The following MYOM3 variants were observed in gnomAD, a reference collection of about 807,000 sequenced individuals.
The protein encoded by MYOM3 is myomesin 3.
A neutral mutation model predicts 191.7 loss-of-function variants in MYOM3; 155 were observed. The observed-to-expected ratio is 0.81, with a 90% CI of 0.71 to 0.92. The LOEUF (loss-of-function observed/expected upper bound fraction) is 0.92, where lower values mean the gene tolerates loss of function less well. MYOM3 is among the 40% of genes least tolerant of loss of function. The probability of loss-of-function intolerance (pLI) is 0.00; values close to 1 mark genes in which losing one functional copy is unlikely to be tolerated. For missense variants in MYOM3, 1,889 were observed against 1,890.6 expected (o/e 1.00, Z 0.02); for synonymous variants, 757 against 762.9 (o/e 0.99, Z 0.13).
rs747898611 is a variant in MYOM3 at position 24,058,977 on chromosome 1, G to C, written c.3997C>G (p.Arg1333Gly). The change falls in exon 36 of 37, where the codon CGT becomes GGT. Residue 1333 changes from arginine (R) to glycine (G), a missense_variant and splice_region_variant. Coordinates refer to ENST00000374434, the MANE Select transcript of MYOM3 (RefSeq NM_152372.4). ...GGCAGACCTCTCACCACTTTGGCAC[G>C]ATCTGGAAGGGAAATAAGAGACCCC... is the stretch of plus-strand genomic sequence containing the variant. ...LKTLAIIEKN[R>G]AKVVRGLPDV... The C allele has an allele frequency of 6.2e-7, 1 of 1,610,650 alleles. No individual in the cohort carries two copies. The highest frequency in any genetic ancestry group is 1.7e-5 in the Admixed American group (1 of 59,736).
rs1256326417 is a variant in MYOM3, at chr1:24,099,755, A to T, written c.581T>A (p.Ile194Asn). ...QVTWYKNDTR[I>N]DPRLFRAGKY... is the part of the protein sequence containing the mutation. ...TCCGGCACGAAAGAGGCGGGGATCA[A>T]TCCGTGTGTCATTTTTGTACCTGTG... is the stretch of plus-strand genomic sequence containing the variant. Residue 194 changes from isoleucine to asparagine, a missense_variant, in exon 6 of 37, where the codon ATT becomes AAT. Ile to Asn is a moderately radical substitution (Grantham distance 149, BLOSUM62 -3). Transcript: ENST00000374434. The T allele has an allele frequency of 1.2e-6, 2 of 1,613,814 alleles. No homozygotes were observed. Among genetic ancestry groups the T allele is most frequent in the African/African-American group, 2.7e-5 (2 of 74,848 alleles).
At chr1:24,109,714 T>G (rs1644023562) in intron 1 of MYOM3, among the ~76,000 whole-genome samples, 1 of 152,240 alleles carries the variant, frequency 6.6e-6, no homozygotes, top group Admixed American at 6.5e-5. Context: ...CCCATTTTAC[T>G]GATGAACAGG....
At chr1:24,090,027 T>C (rs551285672) in intron 13 of MYOM3, 38 bp downstream of exon 13, 3 of 1,600,506 alleles carry the variant, frequency 1.9e-6, no homozygotes, top group African/African-American at 2.7e-5. Flanking sequence ...TTTTGAGAAC[T>C]ATACAGGAGG....
chr1:24,057,326 A>C lies in MYOM3; in HGVS notation c.*38T>G. The C allele has an allele frequency of 6.3e-7, 1 of 1,594,582 alleles. No individual in the cohort carries two copies. Among genetic ancestry groups the C allele is most frequent in the Middle Eastern group, 2.2e-4 (1 of 4,586 alleles). On this transcript the variant is annotated 3_prime_UTR_variant, in exon 37 of 37. Transcript: ENST00000374434. ...TGGTACAGGTTGTCCCTACTGGTCC[A>C]TGTAGACTAGACTCAGACTGTGCCT... is the stretch of plus-strand genomic sequence containing the variant.
intron 11 of MYOM3, 95 bp from the exon 12 acceptor site, chr1:24,091,091 C>T: frequency 1.5e-6 from 2 of 1,366,624 alleles, no homozygotes; most frequent in South Asian, 2.7e-5. Context: ...CTGGGGGAGC[C>T]TGCCCAGCTC....
At position 24,092,392 on chromosome 1, in the gene MYOM3, C is replaced by T. The variant is rs986373762; in HGVS notation, c.1091-77G>A. ...ACAGGCCCTTCCCACTCCCGCCCAGCATCCTCTTCTCATCCATCCTCCAGG... is the reference window on the plus strand; with the variant it reads ...ACAGGCCCTTCCCACTCCCGCCCAGTATCCTCTTCTCATCCATCCTCCAGG... On this transcript the variant is annotated intron_variant, in intron 10 of 36. Coordinates refer to ENST00000374434, the MANE Select transcript of MYOM3 (RefSeq NM_152372.4). 2.4e-6 allele frequency: 3 copies of T among 1,259,402 alleles called. 1 individual carries two copies. The South Asian group carries it at 8.7e-5, about 37-fold the overall frequency. The allele number at this position is 1,259,402 out of a possible 1,614,324, so 78.0% of individuals were successfully genotyped here. A position where few individuals can be genotyped will look rare whatever the true frequency, so the allele number is the denominator to read the frequency against.
intron 36 of MYOM3, among the ~76,000 whole-genome samples, chr1:24,057,878 C>T (rs139873352): frequency 3.9e-4 from 59 of 152,280 alleles, no homozygotes; most frequent in African/African-American, 1.4e-3. Flanking sequence ...ATGATCTCGG[C>T]TCACTGCAAC....
chr1:24,060,629 G>A (rs565020953), intron 35 of MYOM3, among the ~76,000 whole-genome samples: 37 of 152,294 alleles, frequency 2.4e-4, no homozygotes, highest in African/African-American at 8.2e-4. Flanking sequence ...CATGGACTTG[G>A]TGGTGGCTCC....
chr1:24,077,768 C>T (rs1025753519), intron 20 of MYOM3, among the ~76,000 whole-genome samples: 7 of 152,216 alleles, frequency 4.6e-5, no homozygotes, highest in Admixed American at 4.6e-4. Flanking sequence ...GACCGAATGG[C>T]GGCCAACTGT....
chr1:24,060,135 C>CA (rs1424586644), intron 35 of MYOM3, among the ~76,000 whole-genome samples: 1 of 152,170 alleles, frequency 6.6e-6, no homozygotes, highest in Non-Finnish European at 1.5e-5. Context: ...CCACTATGGG[C>CA]AGGGACATTC....
Position 24,063,492 on chromosome 1 carries a change from C to T in MYOM3, c.3661G>A (p.Ala1221Thr), listed in dbSNP as rs1277951888. 6.2e-7 allele frequency: 1 copy of T among 1,614,122 alleles called. No individual in the cohort carries two copies. The highest frequency in any genetic ancestry group is 8.5e-7 in the Non-Finnish European group (1 of 1,180,004). Reference protein sequence around the residue: ...AIFTELGRIGALSATPLKIQG... With the variant: ...AIFTELGRIGTLSATPLKIQG... ...CTGGGCAAAGAGGCAGGCTGCTTAC[C>T]ACCAATCCTGCCCAACTCGGTGAAG... is the stretch of plus-strand genomic sequence containing the variant. Residue 1221 changes from alanine to threonine, a missense_variant and splice_region_variant, in exon 31 of 37, where the codon GCC (alanine) becomes ACC (threonine). Physicochemically the swap from Ala to Thr is moderately conservative, Grantham distance 58 (BLOSUM62 0). Transcript: ENST00000374434. The surrounding 1 kb of genome is among the most constrained non-coding windows in gnomAD (Gnocchi z 4.5).
intron 14 of MYOM3, among the ~76,000 whole-genome samples, chr1:24,088,811 C>G (rs1204381535): frequency 6.6e-6 from 1 of 152,230 alleles, no homozygotes; most frequent in African/African-American, 2.4e-5. Flanking sequence ...CCTTGGGAAG[C>G]ACTGACAGAT....
chr1:24,061,829 C>A (rs896360058), intron 33 of MYOM3, 117 bp downstream of exon 33: 1 of 1,118,542 alleles, frequency 8.9e-7, no homozygotes, highest in South Asian at 1.4e-5. Flanking sequence ...AGAGCTCAAG[C>A]GATCCTCCCA....
At position 24,063,201 on chromosome 1, in the gene MYOM3, G is replaced by A. The variant is rs750765424; in HGVS notation, c.3695C>T (p.Thr1232Ile). 2 of 1,613,950 alleles carry A rather than the reference G, an allele frequency of 1.2e-6. No individual in the cohort carries two copies. Among genetic ancestry groups the A allele is most frequent in the Admixed American group, 3.3e-5 (2 of 60,012 alleles). Residue 1232 changes from threonine to isoleucine, a missense_variant, in exon 32 of 37, where the codon ACC becomes ATC. Thr to Ile is a moderately conservative substitution (Grantham distance 89). Coordinates refer to ENST00000374434, the MANE Select transcript of MYOM3 (RefSeq NM_152372.4). This position sits in a 1 kb window ranked among gnomAD's most constrained non-coding sequence, Gnocchi z 4.5. ...LSATPLKIQG[T>I]EEGIRIFSKV... The stretch of plus-strand genomic sequence containing the variant: ...GCTGAAGATCCGGATCCCTTCCTCG[G>A]TCCCCTGGATTTTCAGTGGAGTTGC...
At chr1:24,106,573 T>C (rs1447260314) in intron 4 of MYOM3, among the ~76,000 whole-genome samples, 1 of 152,162 alleles carries the variant, frequency 6.6e-6, no homozygotes, top group African/African-American at 2.4e-5. Flanking sequence ...ACGTCTATTT[T>C]ACTTTATTTT....
chr1:24,099,379 C>G (rs1643895869), intron 6 of MYOM3, among the ~76,000 whole-genome samples: 1 of 152,190 alleles, frequency 6.6e-6, no homozygotes, highest in African/African-American at 2.4e-5. Context: ...GCATCCAGTC[C>G]TCACGGCCAG....
chr1:24,078,659 C>A (rs1643630993), intron 20 of MYOM3, among the ~76,000 whole-genome samples: 1 of 152,180 alleles, frequency 6.6e-6, no homozygotes, highest in African/African-American at 2.4e-5. Context: ...TTTCCTAGGG[C>A]TGCAGAAAAT....
At position 24,108,598 on chromosome 1, in the gene MYOM3, G is replaced by T. The variant is rs1025840708; in HGVS notation, c.39C>A (p.Pro13=). The change falls in exon 2 of 37, where the codon CCC becomes CCA. Residue 13 remains proline, a synonymous_variant. Coordinates refer to ENST00000374434, the MANE Select transcript of MYOM3 (RefSeq NM_152372.4). ...GAACCTCCATGGCCTGGGGGGGCCGGGGGTCCCCCGCACCTCCCAAGCTGT... is the reference window on the plus strand; with the variant it reads ...GAACCTCCATGGCCTGGGGGGGCCGTGGGTCCCCCGCACCTCCCAAGCTGT... ...LPHSLGGAGD[P]RPPQAMEVHR... The T allele has an allele frequency of 3.8e-6, 6 of 1,566,838 alleles. 1 individual carries two copies. The highest frequency in any genetic ancestry group is 3.4e-4 in the Middle Eastern group (2 of 5,968).
intron 28 of MYOM3, 51 bp from the exon 29 acceptor site, chr1:24,066,052 G>T: frequency 8.5e-7 from 1 of 1,174,038 alleles, no homozygotes; most frequent in Non-Finnish European, 1.3e-6. Context: ...TTCTTTTTGA[G>T]TAAAAACACA....
Sources: gnomAD v4.1 joint callset for allele counts (sites outside exome capture counted in the v4.1 genomes callset) on GRCh38, gnomAD v4.1.1 for gene constraint, Gnocchi (gnomAD v3.1) non-coding constraint, MANE v1.5 for transcripts, NCBI Gene and HGNC (gene_info 2026-07-23, HGNC 2026-07-21) for gene names.